SUN5: variants seen among roughly 807,000 people sequenced by gnomAD.
The protein encoded by SUN5 is SUN domain-containing protein 5.
SUN5 carries 44 observed loss-of-function variants against 53.7 expected under a neutral mutation model. That is an observed-to-expected ratio of 0.82 (90% confidence interval 0.64 to 1.05). SUN5 has a LOEUF of 1.05. Ranked by LOEUF, SUN5 falls within the 50% of genes least tolerant of loss-of-function variation. The pLI, the probability that SUN5 is intolerant of heterozygous loss-of-function variation, is 0.00. For missense variants in SUN5, 433 were observed against 483.8 expected, an observed-to-expected ratio of 0.90 and a Z score of 0.98; for synonymous variants, 166 against 179.8, an observed-to-expected ratio of 0.92 and a Z score of 0.62.
At position 33,002,626 on chromosome 20, in the gene SUN5, G is replaced by T; in HGVS notation, c.172C>A (p.Gln58Lys). The T allele has an allele frequency of 6.2e-7, 1 of 1,614,196 alleles. No individual in the cohort carries two copies. ...ATGCACTGAGTCAGGCCTAGGGCTTGGTCATTGTTGCGGACAGGCAACAGG... is the reference window on the plus strand; with the variant it reads ...ATGCACTGAGTCAGGCCTAGGGCTTTGTCATTGTTGCGGACAGGCAACAGG... ...NILLPVRNND[Q>K]ALGLTQCMLG... is the part of the protein sequence containing the mutation. The change falls in exon 3 of 13, where the codon CAA becomes AAA. Residue 58 changes from glutamine (Q) to lysine (K), a missense_variant. By Grantham distance (53) the Gln-to-Lys change is moderately conservative. Coordinates refer to ENST00000356173, the MANE Select transcript of SUN5 (RefSeq NM_080675.4).
At chr20:33,001,519 C>CTTTCTTTCTTTTCTTTCTTTCT (rs68051515) in intron 3 of SUN5, among the ~76,000 whole-genome samples, 5 of 121,324 alleles carry the variant, frequency 4.1e-5, no homozygotes, top group Non-Finnish European at 8.6e-5. Flanking sequence ...TTCTTTCTTT[C>CTTTCTTTCTTTTCTTTCTTTCT]TTCTTTCTTT....
rs551552989 is a variant in SUN5 at position 32,989,061 on chromosome 20, G to A, written c.613+559C>T. Among the ~76,000 whole-genome samples, 19 of 152,228 alleles carry A rather than the reference G, an allele frequency of 1.2e-4. No individual in the cohort carries two copies. In the East Asian group the frequency reaches 3.1e-3, roughly 25 times the overall value. ...CTACCTCAGCCTCCCGAGTAGCTGGGACTACAGGCGCCCACCACCACGCTC... is the reference window on the plus strand; with the variant it reads ...CTACCTCAGCCTCCCGAGTAGCTGGAACTACAGGCGCCCACCACCACGCTC... On this transcript the variant is annotated intron_variant, in intron 9 of 12. Coordinates refer to ENST00000356173, the MANE Select transcript of SUN5 (RefSeq NM_080675.4).
In SUN5 at chr20:32,987,693, C is replaced by G; in HGVS notation, c.696G>C (p.Trp232Cys). The change falls in exon 10 of 13, where the codon TGG becomes TGC. Residue 232 changes from tryptophan (W) to cysteine (C), a missense_variant. Coordinates refer to ENST00000356173, the MANE Select transcript of SUN5 (RefSeq NM_080675.4). ...TCACGTCTGGGGGCTGTGCGTAGTT[C>G]CACAGCTGGATCCAGTTCCAGTAGG... ...AHSYWNWIQL[W>C]NYAQPPDVIL... The G allele has an allele frequency of 1.2e-6, 2 of 1,613,156 alleles. No individual in the cohort carries two copies. The highest frequency in any genetic ancestry group is 1.7e-6 in the Non-Finnish European group (2 of 1,179,728).
rs1310024069 is a variant in SUN5 at position 32,987,723 on chromosome 20, G to C, written c.666C>G (p.Ala222=). The part of the protein sequence containing the change: ...HTSVTYNHEK[A]HSYWNWIQLW... ...GCTGGATCCAGTTCCAGTAGGAGTG[G>C]GCCTTCTCATGGTTATAGGTGACTG... is the stretch of plus-strand genomic sequence containing the variant. Residue 222 remains alanine, a synonymous_variant, in exon 10 of 13, where the codon GCC becomes GCG. Coordinates refer to ENST00000356173, the MANE Select transcript of SUN5 (RefSeq NM_080675.4). The C allele has an allele frequency of 6.2e-7, 1 of 1,613,540 alleles. No individual in the cohort carries two copies. Among genetic ancestry groups the C allele is most frequent in the Non-Finnish European group, 8.5e-7 (1 of 1,179,874 alleles).
At chr20:32,995,577 AAG>A (rs760433661) in intron 8 of SUN5, 40 bp downstream of exon 8, 219 of 1,549,916 alleles carry the variant, frequency 1.4e-4, no homozygotes, top group Non-Finnish European at 1.9e-4. Context: ...ACATCAAACA[AAG>A]AGAAATTAGA....
chr20:32,987,666 G>A lies in SUN5; in HGVS notation c.723C>T (p.Ile241=). 6.2e-7 allele frequency: 1 copy of A among 1,607,260 alleles called. No individual in the cohort carries two copies. Among genetic ancestry groups the A allele is most frequent in the Non-Finnish European group, 8.5e-7 (1 of 1,176,962 alleles). The part of the protein sequence containing the change: ...LWNYAQPPDV[I]LEPNVTPGNC... ...CTCCCGCCATCCCCCCTGCCTCAAG[G>A]ATCACGTCTGGGGGCTGTGCGTAGT... Residue 241 remains isoleucine, a synonymous_variant, in exon 10 of 13, where the codon ATC becomes ATT. Coordinates refer to ENST00000356173, the MANE Select transcript of SUN5 (RefSeq NM_080675.4).
At position 33,002,890 on chromosome 20, in the gene SUN5, C is replaced by T. The variant is rs373112250; in HGVS notation, c.107G>A (p.Arg36Lys). Reference sequence around the variant, plus strand: ...GTTTGGGGAGGTGTCCTCTGCCATCCTGCTGGTGTTCCGGCCTCGCTGGGC... The same window carrying T: ...GTTTGGGGAGGTGTCCTCTGCCATCTTGCTGGTGTTCCGGCCTCGCTGGGC... ...RIAQRGRNTS[R>K]MAEDTSPNMN... Residue 36 changes from arginine (R) to lysine (K), a missense_variant, in exon 2 of 13, where the codon AGG (arginine) becomes AAG (lysine). Transcript: ENST00000356173. The T allele has an allele frequency of 3.1e-6, 5 of 1,614,056 alleles. No individual in the cohort carries two copies. The highest frequency in any genetic ancestry group is 4.2e-6 in the Non-Finnish European group (5 of 1,180,050).
chr20:32,985,067 G>T, intron 12 of SUN5, 32 bp downstream of exon 12: 2 of 1,602,386 alleles, frequency 1.2e-6, no homozygotes, highest in Admixed American at 1.7e-5. Context: ...GCATTCAGCA[G>T]GTGCTCAGCA....
At chr20:32,987,481 A>G (rs1989575238) in intron 10 of SUN5, among the ~76,000 whole-genome samples, 179 bp downstream of exon 10, 1 of 111,300 alleles carries the variant, frequency 9.0e-6, no homozygotes, top group Admixed American at 1.1e-4. Flanking sequence ...CCTTGTCAGT[A>G]GCCCCCTCCT....
At chr20:32,989,759 G>A (rs866955245) in intron 8 of SUN5, 61 bp from the exon 9 acceptor site, 12 of 1,418,652 alleles carry the variant, frequency 8.5e-6, no homozygotes, top group Middle Eastern at 1.8e-4. Flanking sequence ...TGATCCCCAC[G>A]TGTCCACGGG....
intron 1 of SUN5, among the ~76,000 whole-genome samples, chr20:33,003,297 G>A (rs1046672771): frequency 6.6e-6 from 1 of 152,172 alleles, no homozygotes; most frequent in Non-Finnish European, 1.5e-5. Flanking sequence ...CAGGGGTGAG[G>A]TAGGGTGAGG....
In SUN5 at chr20:32,985,909, A is replaced by G; in HGVS notation, c.730-6T>C. The G allele has an allele frequency of 6.2e-7, 1 of 1,613,218 alleles. No homozygotes were observed. The highest frequency in any genetic ancestry group is 1.1e-5 in the South Asian group (1 of 90,948). Reference sequence around the variant, plus strand: ...TTGCCAGGTGTCACGTTGGGCTAGAAGAGGCAAGTACAATAAGGGATATGC... The same window carrying G: ...TTGCCAGGTGTCACGTTGGGCTAGAGGAGGCAAGTACAATAAGGGATATGC... On this transcript the variant is annotated splice_region_variant and splice_polypyrimidine_tract_variant and intron_variant, in intron 10 of 12. Transcript: ENST00000356173.
rs774663257 is a variant in SUN5, at chr20:33,002,628, T to A, written c.170A>T (p.Asp57Val). ...DNILLPVRNN[D>V]QALGLTQCML... is the part of the protein sequence containing the mutation. ...GCACTGAGTCAGGCCTAGGGCTTGG[T>A]CATTGTTGCGGACAGGCAACAGGAT... Residue 57 changes from aspartate to valine, a missense_variant, in exon 3 of 13, where the codon GAC (aspartate) becomes GTC (valine). Physicochemically the swap from Asp to Val is radical, Grantham distance 152. Coordinates refer to ENST00000356173, the MANE Select transcript of SUN5 (RefSeq NM_080675.4). The A allele has an allele frequency of 1.2e-6, 2 of 1,614,170 alleles. No homozygotes were observed. The highest frequency in any genetic ancestry group is 1.1e-5 in the South Asian group (1 of 91,078).
chr20:32,985,227 G>A (rs1458535007), intron 11 of SUN5, 42 bp from the exon 12 acceptor site: 1 of 1,594,514 alleles, frequency 6.3e-7, no homozygotes. Context: ...GATACAAGCA[G>A]GGCCCTCAGA....
rs779618084 is a variant in SUN5 at position 33,002,901 on chromosome 20, C to G, written c.96G>C (p.Arg32=). 9.3e-6 allele frequency: 15 copies of G among 1,614,056 alleles called. No homozygotes were observed. The African/African-American group carries it at 1.6e-4, about 17-fold the overall frequency. ...TGTCCTCTGCCATCCTGCTGGTGTTCCGGCCTCGCTGGGCAATCCTGGGGA... is the reference window on the plus strand; with the variant it reads ...TGTCCTCTGCCATCCTGCTGGTGTTGCGGCCTCGCTGGGCAATCCTGGGGA... ...PRPRRIAQRG[R]NTSRMAEDTS... is the part of the protein sequence containing the mutation. Residue 32 remains arginine (R), a synonymous_variant, in exon 2 of 13, where the codon CGG becomes CGC. Coordinates refer to ENST00000356173, the MANE Select transcript of SUN5 (RefSeq NM_080675.4).
At chr20:32,986,170 TTTAC>T (rs1049871123) in intron 10 of SUN5, among the ~76,000 whole-genome samples, 9 of 152,284 alleles carry the variant, frequency 5.9e-5, no homozygotes, top group Middle Eastern at 3.4e-3. Context: ...CATTCATTCA[TTTAC>T]TCACTCACTC....
chr20:33,000,299 T>G (rs1230976765), intron 4 of SUN5, among the ~76,000 whole-genome samples, 164 bp from the exon 5 acceptor site: 1 of 152,122 alleles, frequency 6.6e-6, no homozygotes, highest in Non-Finnish European at 1.5e-5. Flanking sequence ...TGTCCCCTCC[T>G]CCAAAGACCT....
chr20:33,001,220 GT>G lies in SUN5; in HGVS notation c.269del (p.Asn90ThrfsTer37). On this transcript the variant is annotated frameshift_variant, in exon 4 of 13. Coordinates refer to ENST00000356173, the MANE Select transcript of SUN5 (RefSeq NM_080675.4). LOFTEE classifies it high-confidence loss of function. ...CTGCCTTCCCTGCTCACCTGCACGT[GT>G]TAAACAGAACCTGCTGGGCCTGAGT... ...LRTQAQQVLF[N>X]TCRCKLLCQK... 6.4e-7 allele frequency: 1 copy of G among 1,574,450 alleles called. No homozygotes were observed. The highest frequency in any genetic ancestry group is 8.6e-7 in the Non-Finnish European group (1 of 1,157,534).
Position 32,989,600 on chromosome 20 carries a change from T to G in SUN5, c.613+20A>C. On this transcript the variant is annotated intron_variant, in intron 9 of 12. Coordinates refer to ENST00000356173, the MANE Select transcript of SUN5 (RefSeq NM_080675.4). ...CAGGACACTTGAGGCAGTCAGATGG[T>G]GGGGAAGGGGGTCACCTACCTATAG... 1 of 1,611,382 alleles carries G rather than the reference T, an allele frequency of 6.2e-7. No individual in the cohort carries two copies. Among genetic ancestry groups the G allele is most frequent in the Non-Finnish European group, 8.5e-7 (1 of 1,177,770 alleles).
Sources: gnomAD v4.1 joint callset for allele counts (sites outside exome capture counted in the v4.1 genomes callset) on GRCh38, gnomAD v4.1.1 for gene constraint, MANE v1.5 for transcripts, NCBI Gene and HGNC (gene_info 2026-07-23, HGNC 2026-07-21) for gene names.